LNPEP: variants seen among roughly 807,000 people sequenced by gnomAD.
LNPEP encodes the protein leucyl-cystinyl aminopeptidase.
In LNPEP, 64 loss-of-function variants were observed where a neutral mutation model predicts 120.6. The observed-to-expected ratio is 0.53, with a 90% CI of 0.43 to 0.65. The LOEUF is 0.65. Ranked by LOEUF, LNPEP falls within the 30% of genes least tolerant of loss-of-function variation. LNPEP has a pLI of 0.00. For missense variants in LNPEP, 1,057 were observed against 1,200.0 expected (o/e 0.88, Z 1.76); for synonymous variants, 435 against 425.4 (o/e 1.02, Z -0.28).
At chr5:96,996,183 AATTAT>A in intron 6 of LNPEP, 1 of 384,238 alleles carries the variant, frequency 2.6e-6, no homozygotes, top group Non-Finnish European at 4.5e-6. Context: ...AAAGATTAAA[AATTAT>A]ATTTTATTTT....
In LNPEP at chr5:97,002,028, A is replaced by G. The variant is rs192811019; in HGVS notation, c.1654-1387A>G. ...GGTGGTGGTGCCTGTAATCCCAGCT[A>G]CTCAGGAGGCTGAAGCAGGAGAATC... On this transcript the variant is annotated intron_variant, in intron 8 of 17. Transcript: ENST00000231368. Among the ~76,000 whole-genome samples the G allele has an allele frequency of 2.0e-5, 3 of 152,230 alleles. No homozygotes were observed. The East Asian group carries it at 5.8e-4, about 29-fold the overall frequency.
intron 1 of LNPEP, among the ~76,000 whole-genome samples, chr5:96,952,771 C>A (rs1165885314): frequency 1.3e-5 from 2 of 150,302 alleles, no homozygotes; most frequent in Non-Finnish European, 3.0e-5. Flanking sequence ...TGCCCCTTTC[C>A]CAACACCCCA....
At chr5:96,999,884 G>A (rs1333885661) in intron 8 of LNPEP, among the ~76,000 whole-genome samples, 1 of 151,592 alleles carries the variant, frequency 6.6e-6, no homozygotes, top group Non-Finnish European at 1.5e-5. Context: ...AGCACCAGCA[G>A]GGAAATACGT....
In LNPEP at chr5:97,008,789, T is replaced by C. The variant is rs567509341; in HGVS notation, c.2035+2274T>C. Among the ~76,000 whole-genome samples the C allele has an allele frequency of 8.6e-5, 13 of 150,900 alleles. No homozygotes were observed. The South Asian group carries it at 2.3e-3, about 27-fold the overall frequency. ...ACGTCATTCTCCTGCCTCAGCCTCC[T>C]GAGTAGCTGGGACTACAGGCGCCTG... On this transcript the variant is annotated intron_variant, in intron 11 of 17. Transcript: ENST00000231368.
At chr5:96,975,568 G>A (rs73135421) in intron 1 of LNPEP, among the ~76,000 whole-genome samples, 6,544 of 151,962 alleles carry the variant, frequency 0.043, 456 homozygotes, top group African/African-American at 0.15. Context: ...CTAACTCACT[G>A]CTTCTCACAT....
intron 1 of LNPEP, among the ~76,000 whole-genome samples, chr5:96,963,376 C>T (rs902052406): frequency 6.6e-6 from 1 of 152,126 alleles, no homozygotes. Flanking sequence ...CCGGGTGTTT[C>T]CTCTGCTGAT....
At chr5:96,964,905 T>A (rs1033915210) in intron 1 of LNPEP, among the ~76,000 whole-genome samples, 5 of 152,160 alleles carry the variant, frequency 3.3e-5, no homozygotes, top group African/African-American at 1.2e-4. Context: ...ATGTATAAAC[T>A]TAGTTGCTAA....
chr5:96,937,205 T>G (rs1184878783), intron 1 of LNPEP: 2 of 152,216 alleles, frequency 1.3e-5, no homozygotes, highest in Non-Finnish European at 2.9e-5. Context: ...ATATCCCTGT[T>G]TAGTTTGTTA....
At chr5:96,980,984 T>A (rs975399551) in intron 2 of LNPEP, among the ~76,000 whole-genome samples, 3 of 152,212 alleles carry the variant, frequency 2.0e-5, no homozygotes, top group African/African-American at 7.2e-5. Context: ...TGGCCCTGCA[T>A]TTCAATTCTT....
intron 1 of LNPEP, among the ~76,000 whole-genome samples, chr5:96,947,286 A>G (rs550569655): frequency 6.6e-6 from 1 of 152,294 alleles, no homozygotes; most frequent in East Asian, 1.9e-4. Flanking sequence ...TTTTTTGTTA[A>G]TTTGATTGGG....
intron 15 of LNPEP, among the ~76,000 whole-genome samples, chr5:97,025,328 T>C (rs1267672403): frequency 6.6e-6 from 1 of 152,194 alleles, no homozygotes; most frequent in Non-Finnish European, 1.5e-5. Flanking sequence ...ACTTCTGTTG[T>C]ATGATTTTGC....
intron 11 of LNPEP, among the ~76,000 whole-genome samples, chr5:97,012,420 TAATA>T (rs1368236673): frequency 2.0e-5 from 3 of 152,194 alleles, no homozygotes; most frequent in African/African-American, 7.2e-5. Context: ...AAAAATTATA[TAATA>T]AATATCTACA....
At chr5:96,976,957 A>G (rs1790014214) in intron 1 of LNPEP, among the ~76,000 whole-genome samples, 1 of 151,720 alleles carries the variant, frequency 6.6e-6, no homozygotes, top group Non-Finnish European at 1.5e-5. Context: ...TTGGGGCACT[A>G]TAGGAAGTTT....
At chr5:97,009,923 A>G (rs1402332030) in intron 11 of LNPEP, among the ~76,000 whole-genome samples, 3 of 152,038 alleles carry the variant, frequency 2.0e-5, no homozygotes, top group Non-Finnish European at 4.4e-5. Flanking sequence ...TATTATTTTG[A>G]TGCTTGATGG....
intron 4 of LNPEP, among the ~76,000 whole-genome samples, chr5:96,990,999 C>T (rs1790377413): frequency 1.3e-5 from 2 of 152,150 alleles, no homozygotes; most frequent in African/African-American, 2.4e-5. Flanking sequence ...GATTTTGGTG[C>T]ACCCATCACC....
intron 11 of LNPEP, among the ~76,000 whole-genome samples, chr5:97,011,999 A>G (rs942871854): frequency 6.6e-6 from 1 of 152,210 alleles, no homozygotes; most frequent in Non-Finnish European, 1.5e-5. Context: ...TTAGTACCTA[A>G]GCTAAGGCTT....
chr5:96,973,400 G>A (rs1789916725), intron 1 of LNPEP, among the ~76,000 whole-genome samples: 1 of 151,840 alleles, frequency 6.6e-6, no homozygotes, highest in Admixed American at 6.6e-5. Context: ...TACTTTATAT[G>A]ATACTTAGTC....
At chr5:96,992,024 A>G (rs1790399086) in intron 4 of LNPEP, among the ~76,000 whole-genome samples, 1 of 112,116 alleles carries the variant, frequency 8.9e-6, no homozygotes, top group South Asian at 3.1e-4. Context: ...TTTAAAATCA[A>G]TTAGAAAAAA....
intron 8 of LNPEP, 68 bp from the exon 9 acceptor site, chr5:97,003,347 A>T: frequency 3.2e-6 from 3 of 939,752 alleles, no homozygotes; most frequent in Non-Finnish European, 4.5e-6. Context: ...TGAATTTTAG[A>T]TTCCCAATTC....
Sources: gnomAD v4.1 joint callset for allele counts (sites outside exome capture counted in the v4.1 genomes callset) on GRCh38, gnomAD v4.1.1 for gene constraint, MANE v1.5 for transcripts, NCBI Gene and HGNC (gene_info 2026-07-23, HGNC 2026-07-21) for gene names.